The following RTN4RL1 variants were observed in gnomAD, a reference collection of about 807,000 sequenced individuals.
RTN4RL1 encodes reticulon 4 receptor like 1.
A neutral mutation model predicts 25.6 loss-of-function variants in RTN4RL1; 7 were observed. The observed-to-expected ratio is 0.27, with a 90% CI of 0.16 to 0.51. The LOEUF (loss-of-function observed/expected upper bound fraction) is 0.51. Among genes scored for constraint, RTN4RL1 ranks in the 20% least tolerant of loss-of-function variants. The pLI, the probability that RTN4RL1 is intolerant of heterozygous loss-of-function variation, is 0.97. For synonymous variants in RTN4RL1, 297 were observed against 288.2 expected, an observed-to-expected ratio of 1.03 and a Z score of -0.31; for missense variants, 500 against 615.6, an observed-to-expected ratio of 0.81 and a Z score of 1.99.
In RTN4RL1 at chr17:1,936,763, C is replaced by G. The variant is rs1168332239; in HGVS notation, c.1059G>C (p.Gly353=). The G allele has an allele frequency of 6.3e-7, 1 of 1,594,444 alleles. No individual in the cohort carries two copies. The highest frequency in any genetic ancestry group is 1.4e-5 in the African/African-American group (1 of 74,034). Residue 353 remains glycine, a synonymous_variant, in exon 2 of 2, where the codon GGG becomes GGC. Transcript: ENST00000331238. ...HGPRPGHRKP[G]KNCTNPRNRN... is the part of the protein sequence containing the mutation. ...GGTTCCTGGGGTTGGTGCAGTTCTT[C>G]CCCGGCTTCCTGTGGCCGGGCCGGG...
At chr17:2,002,446 C>T (rs1177507081) in intron 1 of RTN4RL1, among the ~76,000 whole-genome samples, 1 of 149,742 alleles carries the variant, frequency 6.7e-6, no homozygotes, top group Non-Finnish European at 1.5e-5. Flanking sequence ...GCGCCCGCCA[C>T]CTCGCCTGGC....
chr17:2,007,152 A>G (rs538855150), intron 1 of RTN4RL1, among the ~76,000 whole-genome samples: 1 of 152,088 alleles, frequency 6.6e-6, no homozygotes, highest in East Asian at 1.9e-4. Flanking sequence ...AAATACATCA[A>G]AATCACACAA....
chr17:1,998,209 G>T lies in RTN4RL1; in HGVS notation c.13+26644C>A, dbSNP rs1210182077. On this transcript the variant is annotated intron_variant, in intron 1 of 1. Coordinates refer to ENST00000331238, the MANE Select transcript of RTN4RL1 (RefSeq NM_178568.4). The surrounding 1 kb of genome is among the most constrained non-coding windows in gnomAD (Gnocchi z 4.9). ...ACTATGTTTTGTTTGGCCTTTGGGGGAGGGGCGGGGAGGGCTGTCGCATTG... is the reference window on the plus strand; with the variant it reads ...ACTATGTTTTGTTTGGCCTTTGGGGTAGGGGCGGGGAGGGCTGTCGCATTG... Among the ~76,000 whole-genome samples, 3 of 152,130 alleles carry T rather than the reference G, an allele frequency of 2.0e-5. No individual in the cohort carries two copies. The highest frequency in any genetic ancestry group is 7.2e-5 in the African/African-American group (3 of 41,450).
intron 1 of RTN4RL1, among the ~76,000 whole-genome samples, chr17:1,966,343 G>A (rs1394195270): frequency 1.3e-5 from 2 of 152,228 alleles, no homozygotes; most frequent in Non-Finnish European, 2.9e-5. Context: ...CCTGTCAGGA[G>A]CAAGCCCCAT....
Position 2,024,936 on chromosome 17 carries a change from T to G in RTN4RL1, c.-71A>C. 6.7e-7 allele frequency: 1 copy of G among 1,488,778 alleles called. No individual in the cohort carries two copies. The highest frequency in any genetic ancestry group is 9.1e-7 in the Non-Finnish European group (1 of 1,099,700). 92.2% of individuals were successfully genotyped at this position (1,488,778 alleles called of 1,614,324 possible). A position where few individuals can be genotyped will look rare whatever the true frequency, so the allele number is the denominator to read the frequency against. On this transcript the variant is annotated 5_prime_UTR_variant, in exon 1 of 2. Coordinates refer to ENST00000331238, the MANE Select transcript of RTN4RL1 (RefSeq NM_178568.4). ...CTCCCGGGGTCCAGATTCAAATCCC[T>G]GGGCGCCAGCTGCAGCTAATCCGAG... is the stretch of plus-strand genomic sequence containing the variant.
intron 1 of RTN4RL1, chr17:2,020,056 G>C (rs2151331116): frequency 6.6e-6 from 1 of 152,250 alleles, no homozygotes; most frequent in South Asian, 2.1e-4. Context: ...CTGGCATAAG[G>C]ACCCGGAGCT....
intron 1 of RTN4RL1, among the ~76,000 whole-genome samples, chr17:1,987,602 A>G (rs1439119551): frequency 1.3e-5 from 2 of 152,060 alleles, no homozygotes; most frequent in Non-Finnish European, 2.9e-5. Flanking sequence ...CTCACCCTTC[A>G]GGTCCCCAGG....
intron 1 of RTN4RL1, among the ~76,000 whole-genome samples, chr17:1,970,031 T>C (rs1031359859): frequency 5.0e-5 from 7 of 141,122 alleles, no homozygotes; most frequent in South Asian, 4.6e-4. Flanking sequence ...TTTTTTTTTT[T>C]TTTTTTTTGA....
At chr17:1,946,209 A>G (rs1381876742) in intron 1 of RTN4RL1, among the ~76,000 whole-genome samples, 1 of 152,238 alleles carries the variant, frequency 6.6e-6, no homozygotes, top group Non-Finnish European at 1.5e-5. Context: ...CAAACAAACC[A>G]ACCAACCAGG....
chr17:1,954,492 C>A (rs1157501314), intron 1 of RTN4RL1, among the ~76,000 whole-genome samples: 1 of 149,806 alleles, frequency 6.7e-6, no homozygotes, highest in Non-Finnish European at 1.5e-5. Context: ...GGGTTCAAGT[C>A]ATCTCCTGCC....
chr17:1,986,323 A>G (rs2066887065), intron 1 of RTN4RL1, among the ~76,000 whole-genome samples: 1 of 152,176 alleles, frequency 6.6e-6, no homozygotes, highest in South Asian at 2.1e-4. Context: ...ACTGAGGTGC[A>G]CAGAGGTTAA....
intron 1 of RTN4RL1, chr17:2,017,695 A>ACG (rs2067143029): frequency 7.2e-6 from 1 of 138,812 alleles, no homozygotes; most frequent in Non-Finnish European, 1.6e-5. Context: ...ACACACACAC[A>ACG]CACACACACA....
chr17:1,941,185 G>A (rs768444392), intron 1 of RTN4RL1, among the ~76,000 whole-genome samples: 48 of 152,182 alleles, frequency 3.2e-4, no homozygotes, highest in Admixed American at 1.8e-3. Context: ...AATGACACCC[G>A]GAGAAGCTAA....
Position 1,961,773 on chromosome 17 carries a change from C to CAAAAAAAAAAAAAAAAAAAAA in RTN4RL1, c.14-23986_14-23966dup, listed in dbSNP as rs1163170575. On this transcript the variant is annotated intron_variant, in intron 1 of 1. Coordinates refer to ENST00000331238, the MANE Select transcript of RTN4RL1 (RefSeq NM_178568.4). ...TGAAACCCTGTCTCCACTAAAAATA[C>CAAAAAAAAAAAAAAAAAAAAA]AAAAAAAAAAAAAAAAAAAAAAAAA... Among the ~76,000 whole-genome samples, 13 of 55,590 alleles carry CAAAAAAAAAAAAAAAAAAAAA rather than the reference C, an allele frequency of 2.3e-4. 1 individual carries two copies. Among genetic ancestry groups the CAAAAAAAAAAAAAAAAAAAAA allele is most frequent in the African/African-American group, 4.8e-4 (7 of 14,570 alleles). The allele number at this position is 55,590 out of a possible 152,430, so 36.5% of individuals were successfully genotyped here. A position where few individuals can be genotyped will look rare whatever the true frequency, so the allele number is the denominator to read the frequency against.
chr17:1,949,377 G>A (rs1258605113), intron 1 of RTN4RL1, among the ~76,000 whole-genome samples: 2 of 152,140 alleles, frequency 1.3e-5, no homozygotes, highest in African/African-American at 2.4e-5. Flanking sequence ...GATTACAGGC[G>A]TGAGCCACAA....
intron 1 of RTN4RL1, among the ~76,000 whole-genome samples, chr17:1,984,284 CT>C (rs1313334963): frequency 6.6e-6 from 1 of 152,248 alleles, no homozygotes; most frequent in Non-Finnish European, 1.5e-5. Context: ...GTCAAGGCCG[CT>C]GCTCTGCTCT....
chr17:2,024,605 C>G (rs2067249403), intron 1 of RTN4RL1, among the ~76,000 whole-genome samples: 1 of 152,214 alleles, frequency 6.6e-6, no homozygotes, highest in African/African-American at 2.4e-5. Flanking sequence ...TGGTCTCCGA[C>G]TGACCCCTCC....
chr17:1,952,667 A>T (rs918760112), intron 1 of RTN4RL1, among the ~76,000 whole-genome samples: 22 of 151,288 alleles, frequency 1.5e-4, no homozygotes, highest in Non-Finnish European at 3.1e-4. Context: ...TTCATTCTGC[A>T]CAGGTCCACC....
intron 1 of RTN4RL1, among the ~76,000 whole-genome samples, chr17:1,995,426 CAAAAAAAAA>C (rs1036512075): frequency 7.6e-4 from 48 of 63,264 alleles, no homozygotes; most frequent in Non-Finnish European, 1.4e-3. Context: ...AACTCTGTCT[CAAAAAAAAA>C]AAAAAAAAAA....
Sources: gnomAD v4.1 joint callset for allele counts (sites outside exome capture counted in the v4.1 genomes callset) on GRCh38, gnomAD v4.1.1 for gene constraint, Gnocchi (gnomAD v3.1) non-coding constraint, MANE v1.5 for transcripts, NCBI Gene and HGNC (gene_info 2026-07-23, HGNC 2026-07-21) for gene names.